Variants in STS observed in about 807,000 individuals in gnomAD.
STS encodes the protein steryl-sulfatase.
Under a neutral mutation model 26.8 loss-of-function variants are expected in STS, and 7 were observed. That is an observed-to-expected ratio of 0.26 (90% CI 0.15 to 0.49). The LOEUF is 0.49. STS is among the 20% of genes least tolerant of loss of function. STS has a pLI of 0.98. For missense variants in STS, 434 were observed against 465.6 expected (o/e 0.93, Z 0.63); for synonymous variants, 199 against 189.4 (o/e 1.05, Z -0.42).
intron 6 of STS, among the ~76,000 whole-genome samples, chrX:7,275,536 G>A (rs1162804755): frequency 9.0e-6 from 1 of 111,604 alleles, no homozygotes; most frequent in Non-Finnish European, 1.9e-5. Context: ...GTGTGTGTAT[G>A]TGTATTTGTG....
At chrX:7,159,997 A>G (rs1933210085) in intron 1 of STS, among the ~76,000 whole-genome samples, 1 of 112,212 alleles carries the variant, frequency 8.9e-6, no homozygotes, top group Middle Eastern at 4.6e-3. Context: ...AAGGAGACGT[A>G]CAAAGTGTCT....
intron 2 of STS, among the ~76,000 whole-genome samples, chrX:7,205,011 C>G (rs920400291): frequency 8.9e-6 from 1 of 111,880 alleles, no homozygotes; most frequent in African/African-American, 3.3e-5. Flanking sequence ...CCACATGGCC[C>G]TAGGCCAGGT....
chrX:7,220,926 G>T (rs1351288448), intron 2 of STS, among the ~76,000 whole-genome samples: 1 of 111,258 alleles, frequency 9.0e-6, no homozygotes, highest in Non-Finnish European at 1.9e-5. Flanking sequence ...CTCTTAAATC[G>T]CAGGGATCTG....
intron 7 of STS, among the ~76,000 whole-genome samples, chrX:7,281,495 C>T (rs766840709): frequency 8.9e-6 from 1 of 111,915 alleles, no homozygotes; most frequent in Non-Finnish European, 1.9e-5. Flanking sequence ...GTGGTGAATT[C>T]ATGAGATGAG....
chrX:7,188,539 C>T (rs984097088), intron 1 of STS, among the ~76,000 whole-genome samples: 2 of 111,828 alleles, frequency 1.8e-5, no homozygotes, highest in Admixed American at 1.9e-4. Flanking sequence ...GTCCTCGGAA[C>T]GTGGGCCTTT....
At chrX:7,275,698 G>A (rs1165572265) in intron 6 of STS, among the ~76,000 whole-genome samples, 5 of 110,774 alleles carry the variant, frequency 4.5e-5, no homozygotes, top group Non-Finnish European at 9.4e-5. Flanking sequence ...TGGGTCTTTG[G>A]GGGATGTCTC....
intron 9 of STS, among the ~76,000 whole-genome samples, chrX:7,328,549 GA>G (rs1447565465): frequency 1.2e-5 from 1 of 85,076 alleles, no homozygotes; most frequent in Non-Finnish European, 2.2e-5. Flanking sequence ...GGTGCTTGCT[GA>G]CCTCATTTTT....
intron 1 of STS, among the ~76,000 whole-genome samples, chrX:7,189,524 C>T (rs935077252): frequency 8.9e-6 from 1 of 112,023 alleles, no homozygotes; most frequent in Non-Finnish European, 1.9e-5. Flanking sequence ...ATTACAGACA[C>T]CGAAATTTGA....
In STS at chrX:7,168,215, C is replaced by T. The variant is rs552238863; in HGVS notation, c.-134+20132C>T. Reference sequence around the variant, plus strand: ...GGCGATCTTAGAACTCTGCTTCCCACGAGTGCCTTTGTGTGAGTGCACCTG... The same window carrying T: ...GGCGATCTTAGAACTCTGCTTCCCATGAGTGCCTTTGTGTGAGTGCACCTG... On this transcript the variant is annotated intron_variant, in intron 1 of 10. Transcript: ENST00000674429. Among the ~76,000 whole-genome samples the T allele has an allele frequency of 2.7e-5, 3 of 110,809 alleles. No homozygotes were observed. In the Admixed American group the frequency reaches 2.9e-4, roughly 11 times the overall value.
At chrX:7,263,803 A>G (rs1027642945) in intron 6 of STS, among the ~76,000 whole-genome samples, 18 of 98,811 alleles carry the variant, frequency 1.8e-4, no homozygotes, top group Non-Finnish European at 3.6e-4. Context: ...GTGTGTGTAT[A>G]TATGTGTGTG....
At chrX:7,197,275 G>A (rs755830105) in intron 2 of STS, among the ~76,000 whole-genome samples, 25 of 111,832 alleles carry the variant, frequency 2.2e-4, no homozygotes, top group African/African-American at 7.8e-4. Flanking sequence ...ATCTGACTTT[G>A]CAAACACATT....
chrX:7,270,574 T>C (rs1425386985), intron 6 of STS, among the ~76,000 whole-genome samples: 2 of 112,176 alleles, frequency 1.8e-5, no homozygotes, highest in Non-Finnish European at 3.8e-5. Context: ...TTTGTTTTTG[T>C]ATGTCAAACC....
chrX:7,237,074 G>A (rs752442896), intron 2 of STS, among the ~76,000 whole-genome samples: 3 of 110,123 alleles, frequency 2.7e-5, no homozygotes, highest in African/African-American at 9.9e-5. Flanking sequence ...ATTTTTCTTT[G>A]AGCAGATCAA....
At chrX:7,291,317 G>A (rs774926847) in intron 7 of STS, among the ~76,000 whole-genome samples, 14 of 111,607 alleles carry the variant, frequency 1.3e-4, no homozygotes, top group African/African-American at 3.9e-4. Context: ...GTGGTTTGGG[G>A]GCAACAGTGG....
At chrX:7,341,278 C>T (rs1415438397) in intron 10 of STS, among the ~76,000 whole-genome samples, 3 of 111,452 alleles carry the variant, frequency 2.7e-5, no homozygotes, top group African/African-American at 6.5e-5. Flanking sequence ...TCCACCTAAC[C>T]GTGTATCTGG....
At chrX:7,268,935 T>G (rs1284444016) in intron 6 of STS, among the ~76,000 whole-genome samples, 1 of 108,915 alleles carries the variant, frequency 9.2e-6, no homozygotes, top group Admixed American at 9.9e-5. Flanking sequence ...GATTACTTGA[T>G]GCCAGGAGTT....
At chrX:7,305,690 C>T (rs1344148272) in intron 8 of STS, among the ~76,000 whole-genome samples, 2 of 111,607 alleles carry the variant, frequency 1.8e-5, no homozygotes, top group Non-Finnish European at 3.8e-5. Flanking sequence ...GGCTCATGGC[C>T]CCTTCTTCCA....
chrX:7,248,545 C>T (rs1922993699), intron 2 of STS, among the ~76,000 whole-genome samples: 2 of 112,149 alleles, frequency 1.8e-5, no homozygotes, highest in Admixed American at 9.5e-5. Context: ...ATACTGTGGT[C>T]TCTATAAGGC....
At chrX:7,283,436 TC>T (rs1342998459) in intron 7 of STS, among the ~76,000 whole-genome samples, 43 of 112,010 alleles carry the variant, frequency 3.8e-4, no homozygotes, top group Non-Finnish European at 6.9e-4. Flanking sequence ...TGAATGTAAC[TC>T]CTGTAAATTG....
Sources: gnomAD v4.1 joint callset for allele counts (sites outside exome capture counted in the v4.1 genomes callset) on GRCh38, gnomAD v4.1.1 for gene constraint, MANE v1.5 for transcripts, NCBI Gene and HGNC (gene_info 2026-07-23, HGNC 2026-07-21) for gene names.